SOX6: variants seen among roughly 807,000 people sequenced by gnomAD.
The protein encoded by SOX6 is transcription factor SOX-6.
A neutral mutation model predicts 97.8 loss-of-function variants in SOX6; 11 were observed. The observed-to-expected ratio is 0.11, with a 90% CI of 0.07 to 0.19. The LOEUF (loss-of-function observed/expected upper bound fraction) is 0.19. Among genes scored for constraint, SOX6 ranks in the 10% least tolerant of loss-of-function variants. SOX6 has a pLI of 1.00. For missense variants in SOX6, 810 were observed against 1,039.5 expected, an observed-to-expected ratio of 0.78 and a Z score of 3.04; for synonymous variants, 360 against 371.4, an observed-to-expected ratio of 0.97 and a Z score of 0.35.
chr11:16,331,094 C>T lies in SOX6; in HGVS notation c.237+9918G>A, dbSNP rs558152981. On this transcript the variant is annotated intron_variant, in intron 2 of 15. Transcript: ENST00000683767. The stretch of plus-strand genomic sequence containing the variant: ...CCATAGAGCTCCTCTTAAGAGGTAA[C>T]CACTTACTCTGGTGTCAGGTCAATC... Among the ~76,000 whole-genome samples the T allele has an allele frequency of 1.0e-3, 154 of 152,254 alleles. 1 individual carries two copies. Among genetic ancestry groups the T allele is most frequent in the African/African-American group, 3.6e-3 (148 of 41,552 alleles).
chr11:16,486,364 C>T (rs1860433990), intron 4 of SOX6, among the ~76,000 whole-genome samples: 1 of 152,140 alleles, frequency 6.6e-6, no homozygotes, highest in South Asian at 2.1e-4. Context: ...TCAAAATACA[C>T]TTCTTTGAAA....
chr11:16,182,214 G>T (rs1851364953), intron 6 of SOX6, among the ~76,000 whole-genome samples: 1 of 151,710 alleles, frequency 6.6e-6, no homozygotes, highest in Admixed American at 6.6e-5. Context: ...AGTATAAACA[G>T]CACTGGACTA....
chr11:16,072,662 C>A (rs1327389848), intron 9 of SOX6, among the ~76,000 whole-genome samples: 1 of 151,774 alleles, frequency 6.6e-6, no homozygotes, highest in East Asian at 1.9e-4. Flanking sequence ...TCTCCAAGGG[C>A]AAAATGAAAG....
chr11:16,590,346 T>C (rs1306714526), intron 4 of SOX6, among the ~76,000 whole-genome samples: 5 of 152,178 alleles, frequency 3.3e-5, no homozygotes, highest in African/African-American at 1.2e-4. Context: ...AAGTTCCTTT[T>C]TTAAGAAAGA....
At chr11:16,157,412 A>G (rs913821941) in intron 6 of SOX6, among the ~76,000 whole-genome samples, 1 of 152,000 alleles carries the variant, frequency 6.6e-6, no homozygotes, top group Non-Finnish European at 1.5e-5. Context: ...TCTAGTAAGT[A>G]TATCTACCTG....
At chr11:16,351,975 G>C (rs1856958791) in intron 1 of SOX6, among the ~76,000 whole-genome samples, 1 of 151,978 alleles carries the variant, frequency 6.6e-6, no homozygotes, top group Non-Finnish European at 1.5e-5. Context: ...GAAACACTCA[G>C]TAAATACTTC....
At chr11:16,024,370 T>C (rs1590138336) in intron 12 of SOX6, among the ~76,000 whole-genome samples, 1 of 151,988 alleles carries the variant, frequency 6.6e-6, no homozygotes, top group Admixed American at 6.6e-5. Context: ...CCATGAAAGG[T>C]GCTAGTTGCT....
At chr11:16,274,072 G>A (rs1480177413) in intron 3 of SOX6, among the ~76,000 whole-genome samples, 1 of 152,002 alleles carries the variant, frequency 6.6e-6, no homozygotes, top group African/African-American at 2.4e-5. Context: ...AAAACAGAAA[G>A]CCAACTGTTT....
chr11:16,000,714 C>T (rs201495026), intron 13 of SOX6, among the ~76,000 whole-genome samples: 1 of 146,330 alleles, frequency 6.8e-6, no homozygotes, highest in Non-Finnish European at 1.5e-5. Flanking sequence ...GAGAGGATGA[C>T]AGTGTGTGTG....
intron 2 of SOX6, among the ~76,000 whole-genome samples, chr11:16,733,939 A>G (rs1222168021): frequency 6.6e-6 from 1 of 151,030 alleles, no homozygotes; most frequent in East Asian, 2.0e-4. Context: ...AGGCAGGAGA[A>G]TGGCATGAAC....
chr11:16,095,276 A>T (rs912761801), intron 9 of SOX6, among the ~76,000 whole-genome samples: 4 of 151,878 alleles, frequency 2.6e-5, no homozygotes, highest in Non-Finnish European at 5.9e-5. Context: ...GGAATTAAGC[A>T]TGAAATTGGA....
At chr11:16,077,229 A>G (rs543462050) in intron 9 of SOX6, among the ~76,000 whole-genome samples, 1 of 152,296 alleles carries the variant, frequency 6.6e-6, no homozygotes, top group Admixed American at 6.5e-5. Flanking sequence ...AACCATATCA[A>G]TATCACTAGA....
chr11:16,209,129 A>G (rs2134138911), intron 4 of SOX6, among the ~76,000 whole-genome samples: 1 of 152,254 alleles, frequency 6.6e-6, no homozygotes, highest in Admixed American at 6.5e-5. Context: ...ACATAATGCC[A>G]CTCTTCTCAC....
rs529988855 is a variant in SOX6 at position 16,196,055 on chromosome 11, G to A, written c.536-9100C>T. Among the ~76,000 whole-genome samples, 4 of 152,286 alleles carry A rather than the reference G, an allele frequency of 2.6e-5. No individual in the cohort carries two copies. In the South Asian group the frequency reaches 8.3e-4, roughly 32 times the overall value. On this transcript the variant is annotated intron_variant, in intron 4 of 15. Transcript: ENST00000683767. ...CTAGGGTGTATTTACAATTTGCCTAGAGGAAATCAAGGGAATCTCTGCTCT... is the reference window on the plus strand; with the variant it reads ...CTAGGGTGTATTTACAATTTGCCTAAAGGAAATCAAGGGAATCTCTGCTCT...
chr11:16,235,062 A>G (rs946569108), intron 3 of SOX6, among the ~76,000 whole-genome samples: 4 of 151,996 alleles, frequency 2.6e-5, no homozygotes, highest in African/African-American at 9.7e-5. Context: ...AGCAAAATGT[A>G]TGTGCTGTGC....
At chr11:16,099,477 G>A (rs556575406) in intron 7 of SOX6, among the ~76,000 whole-genome samples, 13 of 151,644 alleles carry the variant, frequency 8.6e-5, no homozygotes, top group South Asian at 2.1e-4. Context: ...TCTAACCATC[G>A]ACATGGACTG....
At chr11:16,030,622 AACTCAT>A (rs1855344846) in intron 12 of SOX6, among the ~76,000 whole-genome samples, 1 of 152,164 alleles carries the variant, frequency 6.6e-6, no homozygotes, top group Non-Finnish European at 1.5e-5. Context: ...GAAATTCACT[AACTCAT>A]AGTGTTTTGA....
At position 16,055,896 on chromosome 11, in the gene SOX6, G is replaced by C. The variant is rs377310754; in HGVS notation, c.1107C>G (p.Leu369=). Residue 369 remains leucine (L), a synonymous_variant, in exon 10 of 16, where the codon CTC becomes CTG. Transcript: ENST00000683767. ...HSYNHKQIEQ[L]YAAQLASMQV... is the part of the protein sequence containing the mutation. ...GCATGCTGGCCAGCTGAGCGGCATAGAGCTGCTGCAAAACAGGGAAGACAA... is the reference window on the plus strand; with the variant it reads ...GCATGCTGGCCAGCTGAGCGGCATACAGCTGCTGCAAAACAGGGAAGACAA... 1.5e-5 allele frequency: 25 copies of C among 1,613,438 alleles called. No homozygotes were observed. Among genetic ancestry groups the C allele is most frequent in the Non-Finnish European group, 1.9e-5 (22 of 1,179,758 alleles).
At chr11:16,108,456 T>A (rs1480656466) in intron 7 of SOX6, among the ~76,000 whole-genome samples, 1 of 152,192 alleles carries the variant, frequency 6.6e-6, no homozygotes, top group Non-Finnish European at 1.5e-5. Flanking sequence ...CTGTGAAAGA[T>A]GCTTTATCTT....
Sources: allele counts gnomAD v4.1 joint callset (sites outside exome capture counted in the v4.1 genomes callset), GRCh38; gene constraint gnomAD v4.1.1; transcripts MANE v1.5; gene names NCBI Gene and HGNC (gene_info 2026-07-23, HGNC 2026-07-21).